Variants in TLR5 observed in about 807,000 individuals in gnomAD.
TLR5 encodes toll-like receptor 5.
For synonymous variants in TLR5, 373 were observed against 384.4 expected (o/e 0.97, Z 0.35); for missense variants, 944 against 999.8 (o/e 0.94, Z 0.75).
At chr1:223,122,253 T>C (rs113484489) in intron 5 of TLR5, among the ~76,000 whole-genome samples, 3,224 of 152,288 alleles carry the variant, frequency 0.021, 40 homozygotes, top group Non-Finnish European at 0.03. Context: ...AAGGGCAGAA[T>C]AGAATCTATG....
Position 223,111,292 on chromosome 1 carries a change from C to T in TLR5, c.1740G>A (p.Lys580=). Residue 580 remains lysine, a synonymous_variant, in exon 6 of 6, where the codon AAG becomes AAA. Coordinates refer to ENST00000642603, the MANE Select transcript of TLR5 (RefSeq NM_003268.6). The part of the protein sequence containing the change: ...SLSVLDITHN[K]FICECELSTF... ...TGCTAAGTTCACATTCACAAATGAA[C>T]TTGTTATGAGTTATATCCAAGACAC... 3 of 1,614,098 alleles carry T rather than the reference C, an allele frequency of 1.9e-6. No individual in the cohort carries two copies. The highest frequency in any genetic ancestry group is 1.3e-5 in the African/African-American group (1 of 75,020).
At chr1:223,117,273 G>A (rs900310582) in intron 5 of TLR5, among the ~76,000 whole-genome samples, 4 of 152,026 alleles carry the variant, frequency 2.6e-5, no homozygotes, top group Admixed American at 1.3e-4. Context: ...CAGAATTCGC[G>A]CTGGCCCGTG....
chr1:223,115,362 A>T (rs552095907), intron 5 of TLR5, among the ~76,000 whole-genome samples: 4 of 152,206 alleles, frequency 2.6e-5, no homozygotes, highest in African/African-American at 9.6e-5. Context: ...TGATCCTCCC[A>T]CCTCAGCCTC....
chr1:223,134,272 G>T (rs1458105720), intron 4 of TLR5: 3 of 152,076 alleles, frequency 2.0e-5, no homozygotes, highest in Non-Finnish European at 4.4e-5. Context: ...CATCATTTAC[G>T]CAACTACACC....
chr1:223,136,354 T>C (rs1657613649), intron 3 of TLR5, among the ~76,000 whole-genome samples: 1 of 152,158 alleles, frequency 6.6e-6, no homozygotes, highest in Non-Finnish European at 1.5e-5. Context: ...CCTGGGATCT[T>C]GGCAATGCAT....
At chr1:223,127,349 G>C (rs1437019719) in intron 5 of TLR5, 2 of 152,122 alleles carry the variant, frequency 1.3e-5, no homozygotes, top group Admixed American at 1.3e-4. Flanking sequence ...TTTCCAAATG[G>C]GTGTCTGAGA....
In TLR5 at chr1:223,140,546, C is replaced by CAAAAA. The variant is rs11388643; in HGVS notation, c.-439+1097_-439+1101dup. ...TAGGTGACAGAGTGAGACTCTGTCT[C>CAAAAA]AAAAAAAAAAAAAAAGGCATGGTTA... On this transcript the variant is annotated intron_variant, in intron 2 of 5. Coordinates refer to ENST00000642603, the MANE Select transcript of TLR5 (RefSeq NM_003268.6). Among the ~76,000 whole-genome samples, 621 of 122,572 alleles carry CAAAAA rather than the reference C, an allele frequency of 5.1e-3. 8 individuals are homozygous for CAAAAA. The highest frequency in any genetic ancestry group is 0.017 in the African/African-American group (583 of 33,340). The allele number at this position is 122,572 out of a possible 152,430, so 80.4% of individuals were successfully genotyped here. A position where few individuals can be genotyped will look rare whatever the true frequency, so the allele number is the denominator to read the frequency against.
intron 5 of TLR5, among the ~76,000 whole-genome samples, chr1:223,125,742 T>A (rs1657140087): frequency 6.6e-6 from 1 of 152,192 alleles, no homozygotes. Flanking sequence ...TGGAAACCAA[T>A]GGTTCTCAAA....
intron 5 of TLR5, among the ~76,000 whole-genome samples, chr1:223,124,924 G>A (rs1218641842): frequency 6.6e-6 from 1 of 152,180 alleles, no homozygotes; most frequent in Non-Finnish European, 1.5e-5. Flanking sequence ...TGTGAATGGG[G>A]GAAGAAGGGT....
rs753635054 is a variant in TLR5, at chr1:223,111,975, T to G, written c.1057A>C (p.Ser353Arg). ...LSYNLLGELY[S>R]SNFYGLPKVA... ...TTAGGTAGTCCATAGAAATTCGAAC[T>G]GTAAAGTTCCCCCAGAAGGTTATAT... Residue 353 changes from serine to arginine, a missense_variant, in exon 6 of 6, where the codon AGT (serine) becomes CGT (arginine). Ser to Arg is a moderately radical substitution (Grantham distance 110). Transcript: ENST00000642603. 1 of 1,614,082 alleles carries G rather than the reference T, an allele frequency of 6.2e-7. No individual in the cohort carries two copies. The highest frequency in any genetic ancestry group is 8.5e-7 in the Non-Finnish European group (1 of 1,180,048).
intron 5 of TLR5, among the ~76,000 whole-genome samples, chr1:223,117,144 C>T (rs542396566): frequency 8.9e-4 from 136 of 152,262 alleles, no homozygotes; most frequent in African/African-American, 3.1e-3. Flanking sequence ...GAGTGTGGCG[C>T]CGGCGGGGCC....
chr1:223,119,727 A>T (rs1656850382), intron 5 of TLR5, among the ~76,000 whole-genome samples: 1 of 151,850 alleles, frequency 6.6e-6, no homozygotes, highest in South Asian at 2.1e-4. Flanking sequence ...TGGGAGGCCA[A>T]GGTGGGCAGA....
At chr1:223,138,762 A>G (rs1412328253) in intron 2 of TLR5, among the ~76,000 whole-genome samples, 71 of 152,220 alleles carry the variant, frequency 4.7e-4, no homozygotes, top group Admixed American at 4.6e-3. Context: ...CACCATCTCC[A>G]CCTGCCTCAT....
intron 5 of TLR5, among the ~76,000 whole-genome samples, chr1:223,118,965 A>T (rs922299650): frequency 6.6e-6 from 1 of 152,062 alleles, no homozygotes; most frequent in Non-Finnish European, 1.5e-5. Context: ...TTAGCCAGGC[A>T]TGGTGGCACG....
At chr1:223,136,314 G>T (rs939634418) in intron 3 of TLR5, among the ~76,000 whole-genome samples, 21 of 152,198 alleles carry the variant, frequency 1.4e-4, no homozygotes, top group African/African-American at 3.9e-4. Flanking sequence ...TGGACCAGAT[G>T]GGGGAGCAGG....
At chr1:223,142,445 G>A (rs1031432482) in intron 1 of TLR5, among the ~76,000 whole-genome samples, 4 of 152,122 alleles carry the variant, frequency 2.6e-5, no homozygotes, top group African/African-American at 4.8e-5. Context: ...CGCAGCCGTC[G>A]ATTCCCACCC....
intron 2 of TLR5, among the ~76,000 whole-genome samples, chr1:223,138,799 T>G (rs1657723575): frequency 6.6e-6 from 1 of 152,160 alleles, no homozygotes; most frequent in African/African-American, 2.4e-5. Context: ...TGTCCCTTAC[T>G]CTTTGATATG....
Position 223,138,161 on chromosome 1 carries a change from C to A in TLR5, c.-438-898G>T, listed in dbSNP as rs187490396. On this transcript the variant is annotated intron_variant, in intron 2 of 5. Transcript: ENST00000642603. ...TGGGGGTGGGGGTGGAGGGGTCTCA[C>A]TATGTTGCCCAGACTGGTCTTGAAC... Among the ~76,000 whole-genome samples the A allele has an allele frequency of 2.5e-3, 382 of 151,676 alleles. 1 individual carries two copies. Among genetic ancestry groups the A allele is most frequent in the Middle Eastern group, 0.01 (3 of 294 alleles).
chr1:223,120,191 G>C (rs925224521), intron 5 of TLR5, among the ~76,000 whole-genome samples: 1 of 151,816 alleles, frequency 6.6e-6, no homozygotes, highest in Admixed American at 6.6e-5. Flanking sequence ...CCTGATCCAG[G>C]AGGGATTTAA....
Sources: gnomAD v4.1 joint callset for allele counts (sites outside exome capture counted in the v4.1 genomes callset) on GRCh38, gnomAD v4.1.1 for gene constraint, MANE v1.5 for transcripts, NCBI Gene and HGNC (gene_info 2026-07-23, HGNC 2026-07-21) for gene names.